GDPD4: variants seen among roughly 807,000 people sequenced by gnomAD.
GDPD4 encodes glycerophosphodiester phosphodiesterase 6.
Under a neutral mutation model 67.8 loss-of-function variants are expected in GDPD4, and 60 were observed. That is an observed-to-expected ratio of 0.88 (90% CI 0.72 to 1.10). GDPD4 has a LOEUF of 1.10. GDPD4 is among the 50% of genes least tolerant of loss of function. The pLI, the probability that GDPD4 is intolerant of heterozygous loss-of-function variation, is 0.00. For synonymous variants in GDPD4, 212 were observed against 210.9 expected (o/e 1.00, Z -0.04); for missense variants, 623 against 613.9 (o/e 1.01, Z -0.16).
chr11:77,241,953 G>C (rs1958675732), intron 13 of GDPD4, among the ~76,000 whole-genome samples: 1 of 151,892 alleles, frequency 6.6e-6, no homozygotes, highest in African/African-American at 2.4e-5. Flanking sequence ...AAATAAATAA[G>C]TCTAACTTAT....
At chr11:77,217,978 CCTTTT>C (rs1407978930) in intron 16 of GDPD4, among the ~76,000 whole-genome samples, 1 of 151,448 alleles carries the variant, frequency 6.6e-6, no homozygotes, top group Admixed American at 6.6e-5. Context: ...CTTAGATTTA[CCTTTT>C]ATTTTTATTA....
intron 10 of GDPD4, among the ~76,000 whole-genome samples, chr11:77,264,565 G>A (rs1488073821): frequency 1.3e-5 from 2 of 152,128 alleles, no homozygotes; most frequent in Non-Finnish European, 2.9e-5. Flanking sequence ...AAAAATGAAG[G>A]ACTTCTCAAA....
intron 11 of GDPD4, among the ~76,000 whole-genome samples, chr11:77,253,762 C>G (rs982625356): frequency 5.3e-5 from 8 of 152,116 alleles, no homozygotes; most frequent in African/African-American, 1.7e-4. Context: ...TGACAAAGTA[C>G]TTTTTCCTTG....
intron 10 of GDPD4, among the ~76,000 whole-genome samples, chr11:77,264,009 A>T (rs1959165747): frequency 6.6e-6 from 1 of 152,132 alleles, no homozygotes; most frequent in Admixed American, 6.6e-5. Context: ...CCACACGAGG[A>T]GGTCAACATT....
At chr11:77,270,010 A>G (rs370046596) in intron 7 of GDPD4, 50 bp from the exon 8 acceptor site, 3 of 905,188 alleles carry the variant, frequency 3.3e-6, no homozygotes, top group Non-Finnish European at 5.3e-6. Flanking sequence ...GTCCCCTTTA[A>G]GCCCTTGCCC....
At chr11:77,265,081 G>A (rs958792377) in intron 10 of GDPD4, among the ~76,000 whole-genome samples, 49 of 151,982 alleles carry the variant, frequency 3.2e-4, no homozygotes, top group African/African-American at 1.1e-3. Context: ...CTCTGCCCCC[G>A]CACACCCCTA....
At chr11:77,257,838 T>C (rs10793246) in intron 11 of GDPD4, among the ~76,000 whole-genome samples, 38,912 of 152,096 alleles carry the variant, frequency 0.26, 6,104 homozygotes, top group South Asian at 0.44. Flanking sequence ...CATTCCTCAG[T>C]CTGAGTTAGA....
rs1328517231 is a variant in GDPD4, at chr11:77,258,554, G to A, written c.708-12C>T. 3.1e-6 allele frequency: 5 copies of A among 1,613,280 alleles called. No individual in the cohort carries two copies. Among genetic ancestry groups the A allele is most frequent in the Non-Finnish European group, 4.2e-6 (5 of 1,179,432 alleles). ...GCACATGATCATAACTGAGGCAGAG[G>A]TAGAAAAGAAGGGCAGGGGTAGATA... On this transcript the variant is annotated splice_polypyrimidine_tract_variant and intron_variant, in intron 10 of 16. Transcript: ENST00000315938.
At chr11:77,243,664 G>A in intron 13 of GDPD4, 30 bp downstream of exon 13, 1 of 1,586,328 alleles carries the variant, frequency 6.3e-7, no homozygotes, top group Non-Finnish European at 8.7e-7. Flanking sequence ...AAGGCAATAT[G>A]TGCCAAGAGA....
chr11:77,271,415 C>A, intron 5 of GDPD4, 22 bp from the exon 6 acceptor site: 1 of 1,467,586 alleles, frequency 6.8e-7, no homozygotes, highest in Non-Finnish European at 9.5e-7. Flanking sequence ...GAAAAAAAAT[C>A]TCCTGACTTC....
chr11:77,271,130 C>G lies in GDPD4; in HGVS notation c.400G>C (p.Val134Leu), dbSNP rs143423593. The G allele has an allele frequency of 5.3e-3, 8,520 of 1,601,766 alleles. 38 individuals are homozygous for G. The highest frequency in any genetic ancestry group is 6.5e-3 in the Non-Finnish European group (7,561 of 1,169,998). The change falls in exon 7 of 17, where the codon GTT becomes CTT. Residue 134 changes from valine (V) to leucine (L), a missense_variant and splice_region_variant. By Grantham distance (32) the Val-to-Leu change is conservative (BLOSUM62 1). Transcript: ENST00000315938. ...CAGGGTTCTGCCCTATGTGACATACCTTCTCTTTCCAAACATGCCACGTAG... is the reference window on the plus strand; with the variant it reads ...CAGGGTTCTGCCCTATGTGACATACGTTCTCTTTCCAAACATGCCACGTAG... ...AFYVACLEREVRMRRYRMTHS... is the reference protein window; with the variant it reads ...AFYVACLERELRMRRYRMTHS...
chr11:77,231,932 C>T lies in GDPD4; in HGVS notation c.1389+1093G>A, dbSNP rs562909711. 3.3e-5 allele frequency among the ~76,000 whole-genome samples: 5 copies of T among 152,278 alleles called. No homozygotes were observed. The East Asian group carries it at 7.7e-4, about 24-fold the overall frequency. ...CCAAGCCACCATAGTAAGAAGTCAG[C>T]GATTTCTCCTGTCTACCAGAGGGCC... On this transcript the variant is annotated intron_variant, in intron 14 of 16. Coordinates refer to ENST00000315938, the MANE Select transcript of GDPD4 (RefSeq NM_182833.3).
chr11:77,285,751 T>A (rs1204232300), intron 2 of GDPD4, among the ~76,000 whole-genome samples: 1 of 152,194 alleles, frequency 6.6e-6, no homozygotes, highest in Non-Finnish European at 1.5e-5. Flanking sequence ...ATCAACCTCA[T>A]TTTTGCAGAA....
intron 3 of GDPD4, among the ~76,000 whole-genome samples, chr11:77,284,357 T>C (rs1033941266): frequency 5.3e-5 from 8 of 152,144 alleles, no homozygotes; most frequent in Non-Finnish European, 1.0e-4. Context: ...TAGAAAAATA[T>C]AACAAGTGAT....
chr11:77,240,140 A>AT (rs1555116781), intron 13 of GDPD4, among the ~76,000 whole-genome samples: 1 of 151,622 alleles, frequency 6.6e-6, no homozygotes, highest in South Asian at 2.1e-4. Flanking sequence ...TAAAAAAAAA[A>AT]TCCTTAAATT....
chr11:77,268,656 T>A lies in GDPD4; in HGVS notation c.625-117A>T, dbSNP rs528742513. On this transcript the variant is annotated intron_variant, in intron 9 of 16. Coordinates refer to ENST00000315938, the MANE Select transcript of GDPD4 (RefSeq NM_182833.3). ...GGGAGCAGAGCTTGGCTCCCTGAGA[T>A]CTCCTTTCAAAACCTGTATACCCTC... The A allele has an allele frequency of 3.0e-5, 25 of 846,464 alleles. No individual in the cohort carries two copies. In the African/African-American group the frequency reaches 3.7e-4, roughly 13 times the overall value. 52.4% of individuals were successfully genotyped at this position (846,464 alleles called of 1,614,324 possible).
At chr11:77,229,263 T>G in intron 14 of GDPD4, 31 bp from the exon 15 acceptor site, 2 of 1,369,690 alleles carry the variant, frequency 1.5e-6, no homozygotes, top group Non-Finnish European at 2.1e-6. Context: ...TGAAAGAACT[T>G]TACAGTTAGA....
intron 4 of GDPD4, among the ~76,000 whole-genome samples, chr11:77,277,740 TTCTGC>T (rs1344121898): frequency 6.6e-6 from 1 of 152,028 alleles, no homozygotes; most frequent in African/African-American, 2.4e-5. Flanking sequence ...TCTCCTTCAG[TTCTGC>T]TCTGATCTTA....
chr11:77,270,058 C>CAT (rs1162587436), intron 7 of GDPD4, 98 bp from the exon 8 acceptor site: 9 of 624,592 alleles, frequency 1.4e-5, no homozygotes, highest in East Asian at 5.6e-5. Flanking sequence ...CACACACAAG[C>CAT]ATATATATAT....
Sources: allele counts gnomAD v4.1 joint callset (sites outside exome capture counted in the v4.1 genomes callset), GRCh38; gene constraint gnomAD v4.1.1; transcripts MANE v1.5; gene names NCBI Gene and HGNC (gene_info 2026-07-23, HGNC 2026-07-21).